Variants in DLGAP2 observed in about 807,000 individuals in gnomAD.
The protein encoded by DLGAP2 is DLG associated protein 2.
A neutral mutation model predicts 100.3 loss-of-function variants in DLGAP2; 26 were observed. The observed-to-expected ratio is 0.26, with a 90% CI of 0.19 to 0.36. The LOEUF is 0.36. Ranked by LOEUF, DLGAP2 falls within the 10% of genes least tolerant of loss-of-function variation. DLGAP2 has a pLI of 1.00. For missense variants in DLGAP2, 1,858 were observed against 1,453.2 expected (o/e 1.28, Z -4.53); for synonymous variants, 886 against 630.1 (o/e 1.41, Z -6.08).
intron 2 of DLGAP2, among the ~76,000 whole-genome samples, chr8:1,087,539 C>T (rs778307433): frequency 7.2e-6 from 1 of 138,720 alleles, no homozygotes; most frequent in Non-Finnish European, 1.6e-5. Context: ...TGTGACTCCT[C>T]TTTCTCTCTC....
intron 2 of DLGAP2, among the ~76,000 whole-genome samples, chr8:1,074,612 C>G (rs1373795780): frequency 1.3e-5 from 2 of 152,290 alleles, no homozygotes; most frequent in Middle Eastern, 3.4e-3. Context: ...AGATCAGTAA[C>G]AGACTTGCAA....
chr8:1,688,840 T>G (rs1799179632), intron 12 of DLGAP2, among the ~76,000 whole-genome samples: 1 of 152,228 alleles, frequency 6.6e-6, no homozygotes, highest in Non-Finnish European at 1.5e-5. Flanking sequence ...AGTTGACTTC[T>G]GGGTCACGGC....
intron 4 of DLGAP2, among the ~76,000 whole-genome samples, chr8:1,545,422 A>C (rs1801501013): frequency 6.6e-6 from 1 of 152,150 alleles, no homozygotes; most frequent in African/African-American, 2.4e-5. Flanking sequence ...GAATTTGGGG[A>C]GATGGTTGTA....
intron 2 of DLGAP2, among the ~76,000 whole-genome samples, chr8:925,705 G>C (rs1302261269): frequency 1.3e-5 from 2 of 152,102 alleles, no homozygotes; most frequent in East Asian, 3.9e-4. Context: ...ATGTATATCT[G>C]TGTGAATAGA....
At chr8:1,249,308 C>G (rs1038281318) in intron 2 of DLGAP2, among the ~76,000 whole-genome samples, 1 of 152,144 alleles carries the variant, frequency 6.6e-6, no homozygotes, top group Non-Finnish European at 1.5e-5. Flanking sequence ...AAGGTCTCAG[C>G]CTGCATGAGC....
chr8:1,362,860 C>G lies in DLGAP2; in HGVS notation c.106+103977C>G, dbSNP rs564934736. On this transcript the variant is annotated intron_variant, in intron 3 of 14. Transcript: ENST00000637795. ...TGAATTTTGTTGAACGTTTCAAAGT[C>G]AGTGGCTAGTTTCTCTTGTCTTTTC... Among the ~76,000 whole-genome samples the G allele has an allele frequency of 5.4e-4, 82 of 152,336 alleles. 1 individual carries two copies. In the South Asian group the frequency reaches 0.015, roughly 28 times the overall value.
At chr8:1,615,160 C>T (rs914601086) in intron 6 of DLGAP2, among the ~76,000 whole-genome samples, 4 of 152,172 alleles carry the variant, frequency 2.6e-5, no homozygotes, top group Non-Finnish European at 4.4e-5. Flanking sequence ...CATTTGCGGA[C>T]CCCTGAAAAA....
intron 3 of DLGAP2, among the ~76,000 whole-genome samples, chr8:1,420,726 A>G (rs74676586): frequency 2.0e-5 from 3 of 151,726 alleles, no homozygotes; most frequent in East Asian, 3.9e-4. Flanking sequence ...TCCCAAATCT[A>G]TCACATAACT....
chr8:1,098,567 C>T (rs1804467267), intron 2 of DLGAP2, among the ~76,000 whole-genome samples: 1 of 151,386 alleles, frequency 6.6e-6, no homozygotes. Flanking sequence ...CTGCGATGGC[C>T]ACCCACAGAC....
At chr8:1,034,566 G>A (rs149963364) in intron 2 of DLGAP2, among the ~76,000 whole-genome samples, 1 of 25,480 alleles carries the variant, frequency 3.9e-5, no homozygotes, top group African/African-American at 2.2e-4. Context: ...GGACTCACAC[G>A]CTCATCCCGA....
In DLGAP2 at chr8:1,498,830, C is replaced by G. The variant is rs145196459; in HGVS notation, c.107-2536C>G. On this transcript the variant is annotated intron_variant, in intron 3 of 14. Coordinates refer to ENST00000637795, the MANE Select transcript of DLGAP2 (RefSeq NM_001346810.2). ...CTGTACAAAATGTAGGCTGAAAATA[C>G]AAAGCCTCGTTAGATAAGGAAGGAT... 1.9e-3 allele frequency among the ~76,000 whole-genome samples: 289 copies of G among 152,230 alleles called. 2 individuals are homozygous for G. Among genetic ancestry groups the G allele is most frequent in the Admixed American group, 3.7e-3 (56 of 15,288 alleles).
intron 2 of DLGAP2, among the ~76,000 whole-genome samples, chr8:1,124,651 C>T (rs1211884683): frequency 6.6e-6 from 1 of 152,218 alleles, no homozygotes; most frequent in African/African-American, 2.4e-5. Context: ...AGGAAACCTG[C>T]ATTTTAGCTA....
chr8:1,494,406 G>T (rs1258071721), intron 3 of DLGAP2, among the ~76,000 whole-genome samples: 1 of 152,214 alleles, frequency 6.6e-6, no homozygotes, highest in Non-Finnish European at 1.5e-5. Context: ...AAACCTTGCA[G>T]TTGGCATTCA....
chr8:1,576,611 G>A (rs1457451713), intron 6 of DLGAP2, among the ~76,000 whole-genome samples: 4 of 152,128 alleles, frequency 2.6e-5, no homozygotes, highest in African/African-American at 7.2e-5. Context: ...GGTCTAACAT[G>A]TAAGTCTTTA....
intron 2 of DLGAP2, among the ~76,000 whole-genome samples, chr8:922,536 G>A (rs78716490): frequency 0.01 from 1,583 of 152,236 alleles, 32 homozygotes; most frequent in African/African-American, 0.036. Context: ...TGTTTGTTGG[G>A]TTTAAAATAA....
intron 7 of DLGAP2, among the ~76,000 whole-genome samples, chr8:1,629,761 C>T (rs1194344812): frequency 1.3e-5 from 2 of 152,204 alleles, no homozygotes; most frequent in African/African-American, 4.8e-5. Context: ...GAGGTGTGAA[C>T]GTTCATCTCT....
At chr8:1,331,032 C>T (rs1047400472) in intron 3 of DLGAP2, among the ~76,000 whole-genome samples, 2 of 150,720 alleles carry the variant, frequency 1.3e-5, no homozygotes, top group Non-Finnish European at 3.0e-5. Flanking sequence ...GGGAGCACCG[C>T]TTCACAGGAG....
chr8:1,270,046 G>A (rs755534742), intron 3 of DLGAP2, among the ~76,000 whole-genome samples: 2 of 152,188 alleles, frequency 1.3e-5, no homozygotes, highest in African/African-American at 2.4e-5. Flanking sequence ...TCAACATACA[G>A]TAGCGGGTGG....
chr8:1,498,891 A>T lies in DLGAP2; in HGVS notation c.107-2475A>T, dbSNP rs375950157. Among the ~76,000 whole-genome samples, 35 of 152,320 alleles carry T rather than the reference A, an allele frequency of 2.3e-4. No homozygotes were observed. In the East Asian group the frequency reaches 2.7e-3, roughly 12 times the overall value. ...GTTATACTGACACACATGCTGCATT[A>T]AGCTCTCCCAGCTAGAAGGCCACAC... On this transcript the variant is annotated intron_variant, in intron 3 of 14. Coordinates refer to ENST00000637795, the MANE Select transcript of DLGAP2 (RefSeq NM_001346810.2).
Sources: gnomAD v4.1 joint callset for allele counts (sites outside exome capture counted in the v4.1 genomes callset) on GRCh38, gnomAD v4.1.1 for gene constraint, MANE v1.5 for transcripts, NCBI Gene and HGNC (gene_info 2026-07-23, HGNC 2026-07-21) for gene names.